EP400: variants seen among roughly 807,000 people sequenced by gnomAD.
EP400 encodes E1A-binding protein p400.
EP400 carries 105 observed loss-of-function variants against 354.1 expected under a neutral mutation model. The ratio of observed to expected loss-of-function variants is 0.30; its 90% CI spans 0.25 to 0.35. EP400 has a LOEUF of 0.35. EP400 is among the 10% of genes least tolerant of loss of function. The pLI, the probability that EP400 is intolerant of heterozygous loss-of-function variation, is 1.00. For missense variants in EP400, 3,280 were observed against 4,121.0 expected, an observed-to-expected ratio of 0.80 and a Z score of 5.59; for synonymous variants, 1,646 against 1,716.9, an observed-to-expected ratio of 0.96 and a Z score of 1.02.
chr12:132,054,719 A>G lies in EP400; in HGVS notation c.7729-255A>G, dbSNP rs1359741630. Among the ~76,000 whole-genome samples, 1 of 150,288 alleles carries G rather than the reference A, an allele frequency of 6.7e-6. No homozygotes were observed. The highest frequency in any genetic ancestry group is 1.5e-5 in the Non-Finnish European group (1 of 67,620). On this transcript the variant is annotated intron_variant, in intron 43 of 52. Coordinates refer to ENST00000389561, the MANE Select transcript of EP400 (RefSeq NM_015409.5). This position sits in a 1 kb window ranked among gnomAD's most constrained non-coding sequence, Gnocchi z 4.0. ...TGGAGGGACGGAGGAGTGGAGGGAC[A>G]GTGGGGTGAGGGTGGAGGGACAGTG...
rs752356409 is a variant in EP400 at position 132,013,431 on chromosome 12, C to T, written c.3612-59C>T. ...TTCTCACACATTGTCAGAGAAGATG[C>T]TGCTGCAGCCAGCCCCGTGGCTGTA... On this transcript the variant is annotated intron_variant, in intron 17 of 52. Transcript: ENST00000389561. The surrounding 1 kb of genome is among the most constrained non-coding windows in gnomAD (Gnocchi z 4.5). The T allele has an allele frequency of 8.7e-5, 131 of 1,508,000 alleles. No homozygotes were observed. The highest frequency in any genetic ancestry group is 1.1e-4 in the Non-Finnish European group (129 of 1,125,714). 93.4% of individuals were successfully genotyped at this position (1,508,000 alleles called of 1,614,324 possible).
intron 10 of EP400, among the ~76,000 whole-genome samples, chr12:131,991,879 G>T (rs1893047872): frequency 6.6e-6 from 1 of 152,132 alleles, no homozygotes; most frequent in South Asian, 2.1e-4. Context: ...GAGCTACCGT[G>T]CCCCGCCTAT....
chr12:131,969,768 G>A (rs1181679335), intron 2 of EP400, among the ~76,000 whole-genome samples: 2 of 152,158 alleles, frequency 1.3e-5, no homozygotes, highest in Admixed American at 1.3e-4. Context: ...GATAACTCTT[G>A]GTCGGGCACG....
At chr12:132,053,285 G>T (rs559561488) in intron 42 of EP400, 58 bp from the exon 43 acceptor site, 1 of 1,607,926 alleles carries the variant, frequency 6.2e-7, no homozygotes, top group South Asian at 1.1e-5. Flanking sequence ...CTTCATCCAG[G>T]GGGTATGCAG....
chr12:132,062,648 C>G lies in EP400; in HGVS notation c.8281C>G (p.Gln2761Glu). Residue 2761 changes from glutamine (Q) to glutamate (E), a missense_variant, in exon 47 of 53, where the codon CAG (glutamine) becomes GAG (glutamate). Gln to Glu is a conservative substitution (Grantham distance 29). Around this residue, in one of 20 missense-constraint regions of EP400, gnomAD observed 47 missense variants for 55.6 expected, o/e 0.85. Transcript: ENST00000389561. ...CTCTCAGGTGCAAGTTCCACAGATC[C>G]AGGGCCAGGCCCAGTCCCCAGCACA... ...TTSQVQVPQI[Q>E]GQAQSPAQIK... The G allele has an allele frequency of 1.2e-6, 2 of 1,614,074 alleles. No homozygotes were observed. The highest frequency in any genetic ancestry group is 1.7e-6 in the Non-Finnish European group (2 of 1,179,992).
intron 2 of EP400, among the ~76,000 whole-genome samples, chr12:131,964,105 C>T (rs571463358): frequency 5.9e-5 from 9 of 152,276 alleles, no homozygotes; most frequent in Non-Finnish European, 1.0e-4. Flanking sequence ...GGCTTCTAAA[C>T]GGATATTAAG....
intron 12 of EP400, among the ~76,000 whole-genome samples, chr12:132,000,170 ATATT>A (rs1325395473): frequency 1.3e-5 from 2 of 152,012 alleles, no homozygotes; most frequent in East Asian, 1.9e-4. Flanking sequence ...GCTGAATATC[ATATT>A]TATTATTCAG....
Position 132,080,181 on chromosome 12 carries a change from G to T in EP400, c.*2508G>T. 1 of 152,396 alleles carries T rather than the reference G, an allele frequency of 6.6e-6. No homozygotes were observed. 9.4% of individuals were successfully genotyped at this position (152,396 alleles called of 1,614,324 possible). A position where few individuals can be genotyped will look rare whatever the true frequency, so the allele number is the denominator to read the frequency against. ...TTCTGATGATAAAAACAGTTAGCCA[G>T]ACTGTTTTTAAAGCACCTGGCGGGA... is the stretch of plus-strand genomic sequence containing the variant. On this transcript the variant is annotated 3_prime_UTR_variant, in exon 53 of 53. Transcript: ENST00000389561.
chr12:131,952,260 G>A (rs528577408), intron 1 of EP400, among the ~76,000 whole-genome samples: 66 of 132,620 alleles, frequency 5.0e-4, no homozygotes, highest in African/African-American at 1.6e-3. Context: ...CGGAGATTGC[G>A]CCACTGCACT....
intron 13 of EP400, among the ~76,000 whole-genome samples, chr12:132,005,752 T>A (rs117023050): frequency 6.6e-6 from 1 of 151,982 alleles, no homozygotes; most frequent in Non-Finnish European, 1.5e-5. Context: ...AGGGTTCTGC[T>A]TTTTTCTTTC....
At position 132,032,091 on chromosome 12, in the gene EP400, G is replaced by A. The variant is rs758390738; in HGVS notation, c.5893G>A (p.Ala1965Thr). ...YDNDLNPVMD[A>T]KAQEWCDRIG... is the part of the protein sequence containing the mutation. ...CAATGACCTGAATCCAGTGATGGAT[G>A]CCAAAGCTCAGGAGTGGTGCGATAG... The change falls in exon 30 of 53, where the codon GCC becomes ACC. Residue 1965 changes from alanine (A) to threonine (T), a missense_variant. This residue lies in a region of EP400 where 459 missense variants were observed against 496.9 expected (regional missense o/e 0.92). Coordinates refer to ENST00000389561, the MANE Select transcript of EP400 (RefSeq NM_015409.5). 5.6e-6 allele frequency: 9 copies of A among 1,614,180 alleles called. No individual in the cohort carries two copies. The East Asian group carries it at 1.1e-4, about 20-fold the overall frequency.
intron 2 of EP400, among the ~76,000 whole-genome samples, chr12:131,978,655 G>A (rs1892564810): frequency 6.6e-6 from 1 of 152,010 alleles, no homozygotes; most frequent in Non-Finnish European, 1.5e-5. Context: ...ACAGGCATGT[G>A]TCACCATGCC....
Position 132,062,769 on chromosome 12 carries a change from G to A in EP400, c.8334+68G>A, listed in dbSNP as rs1005527438. 11 of 1,585,914 alleles carry A rather than the reference G, an allele frequency of 6.9e-6. No individual in the cohort carries two copies. The African/African-American group carries it at 1.2e-4, about 17-fold the overall frequency. On this transcript the variant is annotated intron_variant, in intron 47 of 52. Transcript: ENST00000389561. ...TCAGTCAGCCCAGCGTCTGTGAGACGGTGCCTGCTTGCATGGTGCAGTCCA... is the reference window on the plus strand; with the variant it reads ...TCAGTCAGCCCAGCGTCTGTGAGACAGTGCCTGCTTGCATGGTGCAGTCCA...
chr12:132,043,616 C>T (rs752146933), intron 33 of EP400, 29 bp from the exon 34 acceptor site: 7 of 1,590,872 alleles, frequency 4.4e-6, no homozygotes, highest in Non-Finnish European at 6.0e-6. Flanking sequence ...TGCTATTAAC[C>T]CTATTCAAAA....
At chr12:132,072,509 G>A (rs974181700) in intron 51 of EP400, among the ~76,000 whole-genome samples, 2 of 152,140 alleles carry the variant, frequency 1.3e-5, no homozygotes, top group Non-Finnish European at 2.9e-5. Context: ...AATCTTCATT[G>A]TATTGTCAGA....
At chr12:131,989,894 A>G in intron 7 of EP400, 70 bp from the exon 8 acceptor site, 3 of 1,570,854 alleles carry the variant, frequency 1.9e-6, no homozygotes, top group Non-Finnish European at 2.6e-6. Context: ...ATTTAAAAAA[A>G]GTTACATATC....
At chr12:132,066,173 T>G (rs1895884359) in intron 48 of EP400, 2 of 152,218 alleles carry the variant, frequency 1.3e-5, no homozygotes, top group South Asian at 4.1e-4. Flanking sequence ...ACTTTCACGG[T>G]GAGCCACACA....
chr12:132,014,237 T>C lies in EP400; in HGVS notation c.3923+324T>C, dbSNP rs141943928. On this transcript the variant is annotated intron_variant, in intron 19 of 52. Transcript: ENST00000389561. The stretch of plus-strand genomic sequence containing the variant: ...TTAGTTTCCATTCATCCGGGAGGGA[T>C]GGTGATTGAGCAGCTCGCCTTCCCA... 7.1e-3 allele frequency among the ~76,000 whole-genome samples: 1,083 copies of C among 152,294 alleles called. 35 individuals carry two copies. In the South Asian group the frequency reaches 0.094, roughly 13 times the overall value.
At chr12:132,035,556 C>T (rs374789899) in intron 30 of EP400, among the ~76,000 whole-genome samples, 1 of 149,980 alleles carries the variant, frequency 6.7e-6, no homozygotes, top group African/African-American at 2.5e-5. Context: ...CATCGTGGAA[C>T]AACACACCCA....
Sources: gnomAD v4.1 joint callset for allele counts (sites outside exome capture counted in the v4.1 genomes callset) on GRCh38, gnomAD v4.1.1 for gene constraint, gnomAD v4.1.1 regional missense constraint, Gnocchi (gnomAD v3.1) non-coding constraint, MANE v1.5 for transcripts, NCBI Gene and HGNC (gene_info 2026-07-23, HGNC 2026-07-21) for gene names.